Variants in ITSN1 observed in about 807,000 individuals in gnomAD.
ITSN1 encodes intersectin 1.
In ITSN1, 58 loss-of-function variants were observed where a neutral mutation model predicts 239.8. That is an observed-to-expected ratio of 0.24 (90% CI 0.20 to 0.30). The LOEUF (loss-of-function observed/expected upper bound fraction) is 0.30, where lower values mean the gene tolerates loss of function less well. Among genes scored for constraint, ITSN1 ranks in the 10% least tolerant of loss-of-function variants. ITSN1 has a pLI of 1.00. For synonymous variants in ITSN1, 780 were observed against 770.8 expected (o/e 1.01, Z -0.20); for missense variants, 1,558 against 2,103.3 (o/e 0.74, Z 5.07).
intron 1 of ITSN1, among the ~76,000 whole-genome samples, chr21:33,669,829 T>G (rs1208965731): frequency 6.6e-6 from 1 of 152,094 alleles, no homozygotes; most frequent in African/African-American, 2.4e-5. Flanking sequence ...GGTGTTGAGA[T>G]CTCTCTTGAG....
In ITSN1 at chr21:33,692,888, A is replaced by G. The variant is rs530651242; in HGVS notation, c.-32-25909A>G. On this transcript the variant is annotated intron_variant, in intron 1 of 39. Coordinates refer to ENST00000381318, the MANE Select transcript of ITSN1 (RefSeq NM_003024.3). ...CAGTTCAAGTGATTCTCCTGCCTCA[A>G]CCTCCTGAGTAGCTGGGATTACAGG... Among the ~76,000 whole-genome samples, 478 of 151,996 alleles carry G rather than the reference A, an allele frequency of 3.1e-3. 2 individuals are homozygous for G. The highest frequency in any genetic ancestry group is 0.011 in the African/African-American group (460 of 41,448).
chr21:33,705,131 A>G (rs991269372), intron 1 of ITSN1, among the ~76,000 whole-genome samples: 1 of 146,800 alleles, frequency 6.8e-6, no homozygotes, highest in African/African-American at 2.5e-5. Flanking sequence ...AAAAAAAAAG[A>G]CAAAATGTTT....
chr21:33,880,412 G>T (rs1008064370), intron 34 of ITSN1, among the ~76,000 whole-genome samples: 1 of 152,094 alleles, frequency 6.6e-6, no homozygotes, highest in Non-Finnish European at 1.5e-5. Flanking sequence ...AGCAGGAAGG[G>T]CTGGTTGGTC....
At chr21:33,814,101 CTT>C (rs1569235398) in intron 22 of ITSN1, 29 bp downstream of exon 22, 2 of 1,608,228 alleles carry the variant, frequency 1.2e-6, no homozygotes, top group Admixed American at 1.7e-5. Flanking sequence ...AGTGTGAAGA[CTT>C]AGCATGCTAT....
chr21:33,823,461 C>T (rs372740538), intron 24 of ITSN1, 26 bp from the exon 25 acceptor site: 21 of 1,602,024 alleles, frequency 1.3e-5, no homozygotes, highest in Admixed American at 3.4e-5. Context: ...AAGCTCTCTC[C>T]GTATCTCAAT....
chr21:33,793,662 G>A (rs1173805505), intron 16 of ITSN1, among the ~76,000 whole-genome samples: 2 of 152,166 alleles, frequency 1.3e-5, no homozygotes, highest in Non-Finnish European at 2.9e-5. Context: ...TATCAAGTGA[G>A]GAAATTGGAT....
In ITSN1 at chr21:33,794,551, C is replaced by T. The variant is rs1011316457; in HGVS notation, c.1952+83C>T. On this transcript the variant is annotated intron_variant, in intron 17 of 39. Transcript: ENST00000381318. ...TTTGCTTGGCTTCTCCAAGTAGTTA[C>T]TGCACCAGAAAGAGCCTTCAGTCTT... 4 of 1,522,848 alleles carry T rather than the reference C, an allele frequency of 2.6e-6. No homozygotes were observed. In the African/African-American group the frequency reaches 5.6e-5, roughly 21 times the overall value. 94.3% of individuals were successfully genotyped at this position (1,522,848 alleles called of 1,614,324 possible). A position where few individuals can be genotyped will look rare whatever the true frequency, so the allele number is the denominator to read the frequency against.
chr21:33,670,865 A>G (rs746453261), intron 1 of ITSN1, among the ~76,000 whole-genome samples: 2 of 152,234 alleles, frequency 1.3e-5, no homozygotes, highest in Non-Finnish European at 2.9e-5. Flanking sequence ...GGTGATTCAA[A>G]TATCAAGAAG....
intron 1 of ITSN1, among the ~76,000 whole-genome samples, chr21:33,709,637 AC>A (rs1568992465): frequency 6.6e-6 from 1 of 152,168 alleles, no homozygotes; most frequent in Non-Finnish European, 1.5e-5. Flanking sequence ...CTACTGTAAA[AC>A]AGTTGTTTTT....
chr21:33,642,973 G>C (rs1254575363), intron 1 of ITSN1, among the ~76,000 whole-genome samples: 5 of 150,234 alleles, frequency 3.3e-5, no homozygotes, highest in Non-Finnish European at 5.9e-5. Context: ...GCGGTGGGCC[G>C]TGGGGTGGCG....
intron 9 of ITSN1, among the ~76,000 whole-genome samples, chr21:33,765,276 G>A (rs532968609): frequency 6.6e-6 from 1 of 152,262 alleles, no homozygotes; most frequent in East Asian, 1.9e-4. Context: ...GATTTGATAG[G>A]CTCACTTGAG....
chr21:33,658,645 T>C (rs1000106307), intron 1 of ITSN1, among the ~76,000 whole-genome samples: 1 of 152,208 alleles, frequency 6.6e-6, no homozygotes, highest in Non-Finnish European at 1.5e-5. Context: ...ACTGGATCCA[T>C]TGGGCGCTTA....
At chr21:33,795,648 G>T (rs1161401809) in intron 17 of ITSN1, among the ~76,000 whole-genome samples, 1 of 151,708 alleles carries the variant, frequency 6.6e-6, no homozygotes, top group Admixed American at 6.6e-5. Context: ...TTTTCTTGGG[G>T]GTCAGACTAA....
chr21:33,875,300 C>A, intron 33 of ITSN1, 54 bp from the exon 34 acceptor site: 1 of 1,598,598 alleles, frequency 6.3e-7, no homozygotes, highest in Non-Finnish European at 8.6e-7. Flanking sequence ...CCCTGGATCA[C>A]AGGCCCGCCC....
At chr21:33,707,728 T>G (rs960884768) in intron 1 of ITSN1, among the ~76,000 whole-genome samples, 8 of 152,182 alleles carry the variant, frequency 5.3e-5, no homozygotes, top group African/African-American at 1.4e-4. Flanking sequence ...TGTGTAACAG[T>G]TGGTTACTTT....
rs1480644489 is a variant in ITSN1, at chr21:33,886,274, T to G, written c.4844-13T>G. 1 of 1,610,872 alleles carries G rather than the reference T, an allele frequency of 6.2e-7. No individual in the cohort carries two copies. Among genetic ancestry groups the G allele is most frequent in the African/African-American group, 1.3e-5 (1 of 74,582 alleles). The stretch of plus-strand genomic sequence containing the variant: ...TGTGAGTTCCACCTGGCGAAGGCTT[T>G]TGTTCCCTCCAGGAAAGAGCAACCC... On this transcript the variant is annotated splice_polypyrimidine_tract_variant and intron_variant, in intron 38 of 39. Coordinates refer to ENST00000381318, the MANE Select transcript of ITSN1 (RefSeq NM_003024.3).
At chr21:33,828,604 A>G (rs1437877854) in intron 26 of ITSN1, among the ~76,000 whole-genome samples, 1 of 152,124 alleles carries the variant, frequency 6.6e-6, no homozygotes, top group Non-Finnish European at 1.5e-5. Context: ...CTTCCTTTCC[A>G]TTCTTCTTTA....
intron 5 of ITSN1, chr21:33,735,480 G>GTTT: frequency 2.8e-6 from 1 of 357,522 alleles, no homozygotes; most frequent in Non-Finnish European, 5.0e-6. Context: ...GCAGCTTCTG[G>GTTT]GTTTTTTTTT....
chr21:33,792,303 C>A (rs1260112948), intron 16 of ITSN1, among the ~76,000 whole-genome samples: 2 of 152,190 alleles, frequency 1.3e-5, no homozygotes, highest in African/African-American at 4.8e-5. Context: ...CTCCTGGGTT[C>A]TCGCCATTCT....
Sources: allele counts gnomAD v4.1 joint callset (sites outside exome capture counted in the v4.1 genomes callset), GRCh38; gene constraint gnomAD v4.1.1; transcripts MANE v1.5; gene names NCBI Gene and HGNC (gene_info 2026-07-23, HGNC 2026-07-21).